GRIA3: variants seen among roughly 807,000 people sequenced by gnomAD.
The protein encoded by GRIA3 is glutamate ionotropic receptor AMPA type subunit 3.
GRIA3 carries 3 observed loss-of-function variants against 63.0 expected under a neutral mutation model. The ratio of observed to expected loss-of-function variants is 0.05; its 90% confidence interval spans 0.02 to 0.12. GRIA3 has a LOEUF of 0.12. GRIA3 is among the 10% of genes least tolerant of loss of function. GRIA3 has a pLI of 1.00. For synonymous variants in GRIA3, 274 were observed against 257.9 expected, an observed-to-expected ratio of 1.06 and a Z score of -0.60; for missense variants, 347 against 700.9, an observed-to-expected ratio of 0.50 and a Z score of 5.70.
intron 12 of GRIA3, among the ~76,000 whole-genome samples, chrX:123,452,525 G>GATAGATTTTTCTTCTTA: frequency 9.0e-6 from 1 of 111,468 alleles, no homozygotes; most frequent in Admixed American, 9.5e-5. Context: ...GCAATTTCAG[G>GATAGATTTTTCTTCTTA]ATAGATTTTT....
intron 11 of GRIA3, among the ~76,000 whole-genome samples, chrX:123,423,106 T>G (rs924179877): frequency 8.9e-6 from 1 of 111,857 alleles, no homozygotes; most frequent in African/African-American, 3.3e-5. Context: ...TGCAGGGACA[T>G]CTGAGGGCTA....
intron 3 of GRIA3, among the ~76,000 whole-genome samples, chrX:123,303,925 T>C (rs947839031): frequency 6.3e-5 from 7 of 110,522 alleles, no homozygotes; most frequent in African/African-American, 2.3e-4. Context: ...TGCCTAGAGA[T>C]TTTAGGAAAA....
At chrX:123,448,357 G>T (rs754920534) in intron 12 of GRIA3, among the ~76,000 whole-genome samples, 7 of 111,942 alleles carry the variant, frequency 6.3e-5, no homozygotes, top group East Asian at 5.6e-4. Flanking sequence ...TAGAGCAGAA[G>T]TTAATTCCCC....
chrX:123,248,266 AACT>A (rs1190756920), intron 2 of GRIA3, among the ~76,000 whole-genome samples: 1 of 112,323 alleles, frequency 8.9e-6, no homozygotes, highest in Non-Finnish European at 1.9e-5. Flanking sequence ...TATGTGGTCT[AACT>A]TTAGAACCTG....
chrX:123,216,715 AT>A (rs1454052548), intron 2 of GRIA3, among the ~76,000 whole-genome samples: 1 of 112,143 alleles, frequency 8.9e-6, no homozygotes, highest in Non-Finnish European at 1.9e-5. Context: ...GGCTCTACGA[AT>A]AGCACAGATA....
Position 123,489,756 on chromosome X carries a change from C to T in GRIA3, c.*1046C>T, listed in dbSNP as rs1015614518. On this transcript the variant is annotated 3_prime_UTR_variant, in exon 16 of 16. Transcript: ENST00000620443. ...CAAGTGTACACCACGGAGACAGGAC[C>T]GCGTTGCAAGGCGGGACAGCAGGTT... 2.7e-5 allele frequency: 3 copies of T among 112,266 alleles called. No individual in the cohort carries two copies. The highest frequency in any genetic ancestry group is 9.7e-5 in the African/African-American group (3 of 30,790). 9.3% of individuals were successfully genotyped at this position (112,266 alleles called of 1,213,427 possible).
intron 3 of GRIA3, among the ~76,000 whole-genome samples, chrX:123,267,722 C>T (rs2044496605): frequency 9.0e-6 from 1 of 111,687 alleles, no homozygotes; most frequent in Non-Finnish European, 1.9e-5. Flanking sequence ...ACAGATAATC[C>T]AAAAGGCATT....
At chrX:123,410,868 T>A (rs12836734) in intron 10 of GRIA3, among the ~76,000 whole-genome samples, 26,835 of 111,015 alleles carry the variant, frequency 0.24, 2,912 homozygotes, top group South Asian at 0.44. Context: ...GACACTTTTT[T>A]ATCTTGATAT....
At chrX:123,270,495 G>C (rs1411570372) in intron 3 of GRIA3, among the ~76,000 whole-genome samples, 1 of 112,504 alleles carries the variant, frequency 8.9e-6, no homozygotes, top group Non-Finnish European at 1.9e-5. Flanking sequence ...CTTGATCGTA[G>C]GGGCTGTCCC....
intron 3 of GRIA3, among the ~76,000 whole-genome samples, chrX:123,300,360 C>CTT (rs147031319): frequency 4.4e-5 from 1 of 22,516 alleles, no homozygotes; most frequent in Non-Finnish European, 7.2e-5. Flanking sequence ...TGGTCCTGGG[C>CTT]TTTTTTTTTT....
chrX:123,418,525 C>T (rs181717277), intron 11 of GRIA3, among the ~76,000 whole-genome samples: 2 of 111,866 alleles, frequency 1.8e-5, no homozygotes, highest in African/African-American at 6.5e-5. Context: ...GACTTGCATC[C>T]AGAATATATA....
At chrX:123,184,913 A>C (rs1927215297) in intron 1 of GRIA3, 1 of 459,833 alleles carries the variant, frequency 2.2e-6, no homozygotes, top group Non-Finnish European at 3.9e-6. Context: ...AGCCGAGAGG[A>C]GCACCGGAGG....
chrX:123,370,518 C>T (rs1445345172), intron 5 of GRIA3, among the ~76,000 whole-genome samples: 1 of 111,522 alleles, frequency 9.0e-6, no homozygotes, highest in African/African-American at 3.3e-5. Flanking sequence ...ACTCTGCCAA[C>T]GACCTTCACA....
intron 2 of GRIA3, among the ~76,000 whole-genome samples, chrX:123,216,091 C>T (rs1203355077): frequency 4.5e-5 from 5 of 112,138 alleles, no homozygotes. Context: ...CAAATAAATA[C>T]ATTTGCTCAT....
intron 7 of GRIA3, among the ~76,000 whole-genome samples, 169 bp downstream of exon 7, chrX:123,398,972 T>C (rs2045429318): frequency 9.2e-6 from 1 of 108,857 alleles, no homozygotes; most frequent in Non-Finnish European, 1.9e-5. Context: ...CATCCAAACC[T>C]AGAAATCTAA....
chrX:123,205,122 G>C (rs778861388), intron 2 of GRIA3, among the ~76,000 whole-genome samples: 149 of 111,651 alleles, frequency 1.3e-3, no homozygotes, highest in Admixed American at 3.1e-3. Flanking sequence ...CAGGCTGATA[G>C]CATTACTATA....
intron 12 of GRIA3, among the ~76,000 whole-genome samples, chrX:123,447,801 C>A (rs1257579087): frequency 8.9e-6 from 1 of 111,884 alleles, no homozygotes; most frequent in East Asian, 2.8e-4. Context: ...GGTTCCATGC[C>A]CCCTTTGGTG....
At chrX:123,314,390 AG>A (rs1441995018) in intron 3 of GRIA3, among the ~76,000 whole-genome samples, 3 of 112,399 alleles carry the variant, frequency 2.7e-5, no homozygotes, top group Non-Finnish European at 5.6e-5. Context: ...GATACCAAAC[AG>A]AAACATGAAG....
intron 2 of GRIA3, among the ~76,000 whole-genome samples, chrX:123,233,054 A>G (rs1023967161): frequency 3.6e-5 from 4 of 110,624 alleles, no homozygotes; most frequent in African/African-American, 9.9e-5. Flanking sequence ...ATTGGCATAG[A>G]GCAAGTGCTT....
Sources: gnomAD v4.1 joint callset for allele counts (sites outside exome capture counted in the v4.1 genomes callset) on GRCh38, gnomAD v4.1.1 for gene constraint, MANE v1.5 for transcripts, NCBI Gene and HGNC (gene_info 2026-07-23, HGNC 2026-07-21) for gene names.